PUM2: variants seen among roughly 807,000 people sequenced by gnomAD.
PUM2 encodes pumilio RNA binding family member 2.
PUM2 carries 57 observed loss-of-function variants against 124.5 expected under a neutral mutation model. That is an observed-to-expected ratio of 0.46 (90% CI 0.37 to 0.57). The LOEUF (loss-of-function observed/expected upper bound fraction) is 0.57. Ranked by LOEUF, PUM2 falls within the 20% of genes least tolerant of loss-of-function variation. The pLI is 0.00. For synonymous variants in PUM2, 460 were observed against 446.1 expected (o/e 1.03, Z -0.39); for missense variants, 1,065 against 1,290.6 (o/e 0.83, Z 2.68).
intron 13 of PUM2, among the ~76,000 whole-genome samples, chr2:20,267,789 C>T (rs1224160312): frequency 6.6e-6 from 1 of 152,184 alleles, no homozygotes; most frequent in Non-Finnish European, 1.5e-5. Flanking sequence ...CAGAGCTTAT[C>T]TCATACGACA....
At chr2:20,312,895 A>T (rs745358631) in intron 3 of PUM2, among the ~76,000 whole-genome samples, 39 of 152,214 alleles carry the variant, frequency 2.6e-4, no homozygotes, top group Non-Finnish European at 4.4e-4. Context: ...AACAGAACAG[A>T]GGCCTCAGAA....
intron 9 of PUM2, among the ~76,000 whole-genome samples, chr2:20,293,066 A>G (rs1674607259): frequency 1.3e-5 from 2 of 152,266 alleles, no homozygotes; most frequent in Admixed American, 1.3e-4. Flanking sequence ...AGCCTTAATA[A>G]GAGTAAAAGC....
intron 2 of PUM2, among the ~76,000 whole-genome samples, chr2:20,327,077 A>C (rs1433250377): frequency 6.6e-6 from 1 of 152,148 alleles, no homozygotes; most frequent in Non-Finnish European, 1.5e-5. Context: ...TATCTCACCA[A>C]GTCAATCAAA....
Position 20,260,383 on chromosome 2 carries a change from A to G in PUM2, c.2309T>C (p.Leu770Ser), listed in dbSNP as rs775083771. The G allele has an allele frequency of 3.1e-6, 5 of 1,612,864 alleles. No individual in the cohort carries two copies. In the South Asian group the frequency reaches 5.5e-5, roughly 18 times the overall value. The change falls in exon 15 of 21, where the codon TTA becomes TCA. Residue 770 changes from leucine to serine, a missense_variant. Leu to Ser is a moderately radical substitution (Grantham distance 145, BLOSUM62 -2). Around this residue, in one of 3 missense-constraint regions of PUM2, gnomAD observed 968 missense variants for 1,159.8 expected, o/e 0.83. Coordinates refer to ENST00000361078, the MANE Select transcript of PUM2 (RefSeq NM_015317.5). ...FNEILQAAYQLMTDVFGNYVI... is the reference protein window; with the variant it reads ...FNEILQAAYQSMTDVFGNYVI... Reference sequence around the variant, plus strand: ...ATAGTTGCCAAAAACATCAGTCATTAATTGATAGGCTGCTTGCAGAATTTC... The same window carrying G: ...ATAGTTGCCAAAAACATCAGTCATTGATTGATAGGCTGCTTGCAGAATTTC...
At chr2:20,274,584 C>T (rs1669760056) in intron 13 of PUM2, among the ~76,000 whole-genome samples, 1 of 152,032 alleles carries the variant, frequency 6.6e-6, no homozygotes, top group South Asian at 2.1e-4. Context: ...GAATACATGA[C>T]ATTCTTCAGA....
chr2:20,269,152 T>C (rs1235119942), intron 13 of PUM2, among the ~76,000 whole-genome samples: 1 of 151,988 alleles, frequency 6.6e-6, no homozygotes, highest in East Asian at 1.9e-4. Flanking sequence ...GTCTGCAAAA[T>C]GACTGAAGCT....
At position 20,283,076 on chromosome 2, in the gene PUM2, T is replaced by C. The variant is rs756231734; in HGVS notation, c.1591A>G (p.Asn531Asp). The C allele has an allele frequency of 3.1e-6, 5 of 1,614,094 alleles. No homozygotes were observed. The South Asian group carries it at 4.4e-5, about 14-fold the overall frequency. ...NSFYGSSSLTNSSQSSSLFSH... is the reference protein window; with the variant it reads ...NSFYGSSSLTDSSQSSSLFSH... ...AATAAAGAACTACTCTGGGAGCTAT[T>C]AGTCAAAGAACTGCTTCCATAAAAT... The change falls in exon 12 of 21, where the codon AAT becomes GAT. Residue 531 changes from asparagine (N) to aspartate (D), a missense_variant. Coordinates refer to ENST00000361078, the MANE Select transcript of PUM2 (RefSeq NM_015317.5).
intron 7 of PUM2, among the ~76,000 whole-genome samples, chr2:20,298,833 C>T (rs559270320): frequency 1.3e-5 from 2 of 152,170 alleles, no homozygotes; most frequent in African/African-American, 2.4e-5. Context: ...GGCGAGACTC[C>T]GTCTCAGAAT....
Position 20,312,285 on chromosome 2 carries a change from C to T in PUM2, c.299G>A (p.Ser100Asn). ...LGVSMVEYVL[S>N]SSPADKLDSR... Reference sequence around the variant, plus strand: ...ATCCAATTTATCAGCAGGAGAAGAACTTAATACATATTCTACCATGCTCAC... The same window carrying T: ...ATCCAATTTATCAGCAGGAGAAGAATTTAATACATATTCTACCATGCTCAC... The change falls in exon 4 of 21, where the codon AGT becomes AAT. Residue 100 changes from serine (S) to asparagine (N), a missense_variant. This residue lies in a region of PUM2 where 7 missense variants were observed against 27.1 expected (regional missense o/e 0.26). Coordinates refer to ENST00000361078, the MANE Select transcript of PUM2 (RefSeq NM_015317.5). The T allele has an allele frequency of 6.2e-7, 1 of 1,613,236 alleles. No homozygotes were observed. The highest frequency in any genetic ancestry group is 8.5e-7 in the Non-Finnish European group (1 of 1,179,492).
intron 14 of PUM2, among the ~76,000 whole-genome samples, 171 bp downstream of exon 14, chr2:20,263,022 G>A (rs983118902): frequency 5.3e-5 from 8 of 152,130 alleles, no homozygotes; most frequent in East Asian, 3.9e-4. Flanking sequence ...ATTAAAACCC[G>A]TATTTTTATA....
intron 1 of PUM2, among the ~76,000 whole-genome samples, chr2:20,348,028 T>G (rs774702783): frequency 1.7e-4 from 26 of 152,092 alleles, no homozygotes; most frequent in Non-Finnish European, 3.5e-4. Flanking sequence ...ATGCATTTCC[T>G]AAAAACAGCA....
At chr2:20,343,128 C>CT (rs1687549475) in intron 1 of PUM2, among the ~76,000 whole-genome samples, 1 of 135,528 alleles carries the variant, frequency 7.4e-6, no homozygotes. Flanking sequence ...TTAAAAGAGT[C>CT]TGTGTTTAAA....
chr2:20,325,812 G>A (rs991478004), intron 2 of PUM2, among the ~76,000 whole-genome samples: 1 of 152,026 alleles, frequency 6.6e-6, no homozygotes, highest in Non-Finnish European at 1.5e-5. Flanking sequence ...TAGTAGAGAC[G>A]GGGTTTCACC....
chr2:20,302,365 T>C (rs142920610), intron 7 of PUM2, among the ~76,000 whole-genome samples: 58 of 152,332 alleles, frequency 3.8e-4, no homozygotes, highest in African/African-American at 1.4e-3. Context: ...ACCTAATAGG[T>C]AAATTAAAAA....
intron 7 of PUM2, among the ~76,000 whole-genome samples, chr2:20,307,754 T>G (rs578142832): frequency 6.6e-6 from 1 of 152,258 alleles, no homozygotes; most frequent in Admixed American, 6.5e-5. Context: ...TATGTGATAA[T>G]AACTTTTATC....
chr2:20,255,445 C>G (rs1232133509), intron 17 of PUM2, 104 bp from the exon 18 acceptor site: 29 of 1,188,194 alleles, frequency 2.4e-5, no homozygotes, highest in Non-Finnish European at 3.3e-5. Flanking sequence ...CACCTAAAAG[C>G]AGTTTGAAAT....
At chr2:20,320,059 A>G (rs1681934065) in intron 2 of PUM2, among the ~76,000 whole-genome samples, 1 of 152,184 alleles carries the variant, frequency 6.6e-6, no homozygotes, top group Admixed American at 6.5e-5. Context: ...CGAGGTCAGG[A>G]GTTCAAGACC....
At chr2:20,294,611 G>A in intron 8 of PUM2, 93 bp from the exon 9 acceptor site, 4 of 1,350,738 alleles carry the variant, frequency 3.0e-6, no homozygotes, top group African/African-American at 1.5e-5. Context: ...AAAGGGGGCA[G>A]GAAGAAGACT....
intron 2 of PUM2, chr2:20,326,430 T>G: frequency 7.7e-7 from 1 of 1,303,272 alleles, no homozygotes; most frequent in Non-Finnish European, 1.0e-6. Context: ...TGAAGGTCTC[T>G]ATTCTACCAA....
Sources: allele counts gnomAD v4.1 joint callset (sites outside exome capture counted in the v4.1 genomes callset), GRCh38; gene constraint gnomAD v4.1.1; regional missense constraint gnomAD v4.1.1; transcripts MANE v1.5; gene names NCBI Gene and HGNC (gene_info 2026-07-23, HGNC 2026-07-21).